Variants in NALF1 observed in about 807,000 individuals in gnomAD.
NALF1 encodes the protein family with sequence similarity 155 member A.
Under a neutral mutation model 48.4 loss-of-function variants are expected in NALF1, and 3 were observed. That is an observed-to-expected ratio of 0.06 (90% confidence interval 0.03 to 0.16). The LOEUF (loss-of-function observed/expected upper bound fraction) is 0.16, where lower values mean the gene tolerates loss of function less well. Among genes scored for constraint, NALF1 ranks in the 10% least tolerant of loss-of-function variants. The probability of loss-of-function intolerance (pLI) is 1.00; values close to 1 mark genes in which losing one functional copy is unlikely to be tolerated. For missense variants in NALF1, 526 were observed against 571.5 expected (o/e 0.92, Z 0.81); for synonymous variants, 262 against 245.7 (o/e 1.07, Z -0.62).
intron 1 of NALF1, among the ~76,000 whole-genome samples, chr13:107,540,676 A>G (rs1419903690): frequency 6.6e-6 from 1 of 152,116 alleles, no homozygotes; most frequent in Non-Finnish European, 1.5e-5. Context: ...AAAATCATTT[A>G]GTCTTCTCCT....
intron 1 of NALF1, among the ~76,000 whole-genome samples, chr13:107,625,568 C>T (rs1215334807): frequency 6.6e-6 from 1 of 152,014 alleles, no homozygotes; most frequent in Non-Finnish European, 1.5e-5. Context: ...GTTTCTAGAT[C>T]ACAATTTATG....
intron 1 of NALF1, among the ~76,000 whole-genome samples, chr13:107,398,303 A>G (rs1314358132): frequency 6.6e-6 from 1 of 152,046 alleles, no homozygotes; most frequent in Admixed American, 6.6e-5. Flanking sequence ...GATTCAGAAA[A>G]AAGATTTTCC....
chr13:107,352,417 A>T (rs914511890), intron 1 of NALF1, among the ~76,000 whole-genome samples: 1 of 152,196 alleles, frequency 6.6e-6, no homozygotes, highest in Non-Finnish European at 1.5e-5. Context: ...GGGCTGTTGT[A>T]ACAAATTATC....
chr13:107,530,920 A>T (rs1409320330), intron 1 of NALF1, among the ~76,000 whole-genome samples: 2 of 151,968 alleles, frequency 1.3e-5, no homozygotes, highest in African/African-American at 2.4e-5. Flanking sequence ...GACGATTTTT[A>T]TTGTGATTTT....
At position 107,170,702 on chromosome 13, in the gene NALF1, C is replaced by A; in HGVS notation, c.1172G>T (p.Gly391Val). The change falls in exon 3 of 3, where the codon GGG becomes GTG. Residue 391 changes from glycine to valine, a missense_variant. Around this residue, in one of 2 missense-constraint regions of NALF1, gnomAD observed 153 missense variants for 215.9 expected, o/e 0.71. Transcript: ENST00000375915. ...REEKSNNPSK[G>V]TVEKSGSCHR... ...ACAGGAGCCACTTTTCTCTACGGTC[C>A]CTTTGGATGGGTTATTTGATTTTTC... is the stretch of plus-strand genomic sequence containing the variant. 1 of 1,614,098 alleles carries A rather than the reference C, an allele frequency of 6.2e-7. No homozygotes were observed. Among genetic ancestry groups the A allele is most frequent in the Middle Eastern group, 1.6e-4 (1 of 6,062 alleles).
intron 1 of NALF1, among the ~76,000 whole-genome samples, chr13:107,756,435 C>CTATATATA (rs148971349): frequency 0.16 from 22,500 of 140,618 alleles, 1,934 homozygotes; most frequent in Admixed American, 0.24. Flanking sequence ...AGTTTAATGG[C>CTATATATA]TATATATATA....
chr13:107,785,577 G>T (rs1267489705), intron 1 of NALF1, among the ~76,000 whole-genome samples: 1 of 152,128 alleles, frequency 6.6e-6, no homozygotes, highest in Non-Finnish European at 1.5e-5. Flanking sequence ...ACAGATAAAA[G>T]ATTACAAATA....
At chr13:107,184,222 TCAGA>T (rs983832765) in intron 2 of NALF1, among the ~76,000 whole-genome samples, 17 of 152,264 alleles carry the variant, frequency 1.1e-4, no homozygotes, top group African/African-American at 4.1e-4. Context: ...GTTTTTCTTC[TCAGA>T]CAAATATATT....
At chr13:107,376,168 C>A (rs187736496) in intron 1 of NALF1, among the ~76,000 whole-genome samples, 1 of 152,122 alleles carries the variant, frequency 6.6e-6, no homozygotes, top group African/African-American at 2.4e-5. Context: ...CAGAACTTTG[C>A]GCGCCCTTTC....
chr13:107,861,774 A>G (rs1239015307), intron 1 of NALF1, among the ~76,000 whole-genome samples: 1 of 152,216 alleles, frequency 6.6e-6, no homozygotes, highest in Admixed American at 6.5e-5. Context: ...CAGAGTGAGA[A>G]CTATTTCTTT....
chr13:107,558,341 C>A (rs1323681), intron 1 of NALF1, among the ~76,000 whole-genome samples: 33,993 of 151,792 alleles, frequency 0.22, 3,988 homozygotes, highest in South Asian at 0.26. Flanking sequence ...GAAGTAAGCT[C>A]TTCTTTGTTC....
At chr13:107,525,235 C>T (rs1876392599) in intron 1 of NALF1, among the ~76,000 whole-genome samples, 1 of 151,994 alleles carries the variant, frequency 6.6e-6, no homozygotes, top group African/African-American at 2.4e-5. Flanking sequence ...GTCCCGTCAC[C>T]CCCAAAAACT....
intron 1 of NALF1, among the ~76,000 whole-genome samples, chr13:107,410,790 G>T (rs55939325): frequency 0.48 from 72,542 of 151,986 alleles, 17,484 homozygotes; most frequent in African/African-American, 0.54. Flanking sequence ...AAAAGACAAG[G>T]ACAATAATGA....
chr13:107,175,499 C>A (rs534052061), intron 2 of NALF1, among the ~76,000 whole-genome samples: 1 of 152,222 alleles, frequency 6.6e-6, no homozygotes, highest in African/African-American at 2.4e-5. Context: ...TGTCTCCTTA[C>A]CTATTCTTTG....
At chr13:107,578,900 A>T (rs926221373) in intron 1 of NALF1, among the ~76,000 whole-genome samples, 1 of 152,110 alleles carries the variant, frequency 6.6e-6, no homozygotes, top group Non-Finnish European at 1.5e-5. Context: ...GCCAAAGATT[A>T]TTCTTATTGT....
chr13:107,427,360 TATA>T (rs2139013747), intron 1 of NALF1, among the ~76,000 whole-genome samples: 1 of 152,136 alleles, frequency 6.6e-6, no homozygotes, highest in East Asian at 1.9e-4. Context: ...GTCTCTAGAG[TATA>T]ATAACAGAAC....
chr13:107,176,953 A>T lies in NALF1; in HGVS notation c.1088-6167T>A, dbSNP rs1041227417. On this transcript the variant is annotated intron_variant, in intron 2 of 2. Coordinates refer to ENST00000375915, the MANE Select transcript of NALF1 (RefSeq NM_001080396.3). The stretch of plus-strand genomic sequence containing the variant: ...TAATTATCATCCAGCCCCAAATGTC[A>T]TAATTTCATATATGGGAAAAACTAA... Among the ~76,000 whole-genome samples, 3 of 151,946 alleles carry T rather than the reference A, an allele frequency of 2.0e-5. No homozygotes were observed. In the East Asian group the frequency reaches 5.8e-4, roughly 29 times the overall value.
chr13:107,450,035 T>C (rs1884714134), intron 1 of NALF1, among the ~76,000 whole-genome samples: 1 of 152,094 alleles, frequency 6.6e-6, no homozygotes, highest in African/African-American at 2.4e-5. Flanking sequence ...ACGGGTGATA[T>C]ATATAAGGCC....
At chr13:107,460,770 A>G (rs1051953716) in intron 1 of NALF1, among the ~76,000 whole-genome samples, 8 of 152,306 alleles carry the variant, frequency 5.3e-5, no homozygotes, top group African/African-American at 1.9e-4. Flanking sequence ...CTCAATTCAT[A>G]TTTATCAAAA....
Sources: allele counts gnomAD v4.1 joint callset (sites outside exome capture counted in the v4.1 genomes callset), GRCh38; gene constraint gnomAD v4.1.1; regional missense constraint gnomAD v4.1.1; transcripts MANE v1.5; gene names NCBI Gene and HGNC (gene_info 2026-07-23, HGNC 2026-07-21).